INTS7: variants seen among roughly 807,000 people sequenced by gnomAD.
INTS7 encodes integrator complex subunit 7, also known as chromosome 1 open reading frame 73.
Under a neutral mutation model 109.2 loss-of-function variants are expected in INTS7, and 46 were observed. The observed-to-expected ratio is 0.42, with a 90% CI of 0.33 to 0.54. INTS7 has a LOEUF of 0.54. Among genes scored for constraint, INTS7 ranks in the 20% least tolerant of loss-of-function variants. The pLI is 0.07. For missense variants in INTS7, 929 were observed against 1,132.4 expected, an observed-to-expected ratio of 0.82 and a Z score of 2.58; for synonymous variants, 412 against 402.9, an observed-to-expected ratio of 1.02 and a Z score of -0.27.
At chr1:211,969,920 G>A (rs960983608) in intron 13 of INTS7, among the ~76,000 whole-genome samples, 15 of 151,722 alleles carry the variant, frequency 9.9e-5, no homozygotes, top group Non-Finnish European at 1.6e-4. Context: ...GGGTTTCACC[G>A]TGTTAACCAG....
Position 211,967,942 on chromosome 1 carries a change from G to T in INTS7, c.2050C>A (p.Arg684=), listed in dbSNP as rs147974722. Residue 684 remains arginine, a synonymous_variant, in exon 15 of 20, where the codon CGA becomes AGA. Coordinates refer to ENST00000366994, the MANE Select transcript of INTS7 (RefSeq NM_015434.4). Reference sequence around the variant, plus strand: ...GATGCCTGGTAAAGATCTCCATATCGAGAAGCAAGGCTTCGAAATTCTTCC... The same window carrying T: ...GATGCCTGGTAAAGATCTCCATATCTAGAAGCAAGGCTTCGAAATTCTTCC... ...SMEEFRSLAS[R]YGDLYQASFD... 2 of 1,606,920 alleles carry T rather than the reference G, an allele frequency of 1.2e-6. No homozygotes were observed. Among genetic ancestry groups the T allele is most frequent in the Non-Finnish European group, 1.7e-6 (2 of 1,176,682 alleles).
chr1:211,975,717 G>A lies in INTS7; in HGVS notation c.1609-345C>T, dbSNP rs576784403. On this transcript the variant is annotated intron_variant, in intron 12 of 19. Transcript: ENST00000366994. ...ATTCTAGATGAACTATTTAGTGGGT[G>A]AGAGAAACCCCAGGGGAGAAGGCAT... 1.1e-4 allele frequency among the ~76,000 whole-genome samples: 17 copies of A among 152,328 alleles called. No individual in the cohort carries two copies. In the South Asian group the frequency reaches 3.3e-3, roughly 30 times the overall value.
rs576694833 is a variant in INTS7, at chr1:211,959,204, G to C, written c.2184-6503C>G. 6.6e-6 allele frequency among the ~76,000 whole-genome samples: 1 copy of C among 152,150 alleles called. No individual in the cohort carries two copies. Among genetic ancestry groups the C allele is most frequent in the African/African-American group, 2.4e-5 (1 of 41,404 alleles). ...TGTGTGAGCATCTGTAGTGGAATAC[G>C]GCCAGGGGCAGCCATCCCTCTAGGC... is the stretch of plus-strand genomic sequence containing the variant. On this transcript the variant is annotated intron_variant, in intron 16 of 19. Coordinates refer to ENST00000366994, the MANE Select transcript of INTS7 (RefSeq NM_015434.4). The surrounding 1 kb of genome is among the most constrained non-coding windows in gnomAD (Gnocchi z 4.2).
At chr1:211,957,528 A>G (rs899766966) in intron 16 of INTS7, among the ~76,000 whole-genome samples, 1 of 152,218 alleles carries the variant, frequency 6.6e-6, no homozygotes, top group Non-Finnish European at 1.5e-5. Context: ...CCTGGGCGAC[A>G]GAGAGAGGAT....
In INTS7 at chr1:211,968,670, C is replaced by T; in HGVS notation, c.1853G>A (p.Cys618Tyr). 6.2e-7 allele frequency: 1 copy of T among 1,609,164 alleles called. No individual in the cohort carries two copies. The highest frequency in any genetic ancestry group is 1.4e-5 in the African/African-American group (1 of 73,682). ...GTCAATCCTGAGTTTTACAAATTCA[C>T]ACTGAAAGCTTAAAGGATTCAGTGG... ...STPLNPLSFQ[C>Y]EFVKLRIDLL... The change falls in exon 14 of 20, where the codon TGT becomes TAT. Residue 618 changes from cysteine (C) to tyrosine (Y), a missense_variant. Cys to Tyr is a radical substitution (Grantham distance 194, BLOSUM62 -2). This residue lies in a region of INTS7 where 787 missense variants were observed against 901.1 expected (regional missense o/e 0.87). Coordinates refer to ENST00000366994, the MANE Select transcript of INTS7 (RefSeq NM_015434.4).
chr1:212,009,623 G>A (rs1666079120), intron 5 of INTS7, among the ~76,000 whole-genome samples: 1 of 152,130 alleles, frequency 6.6e-6, no homozygotes, highest in Admixed American at 6.5e-5. Flanking sequence ...AGCTATTACG[G>A]GTTCAAGAAC....
At chr1:211,969,959 C>T (rs554252866) in intron 13 of INTS7, among the ~76,000 whole-genome samples, 218 of 152,084 alleles carry the variant, frequency 1.4e-3, no homozygotes, top group African/African-American at 4.9e-3. Flanking sequence ...ACCTCATGAT[C>T]GGCCTGCCTC....
intron 1 of INTS7, 115 bp downstream of exon 1, chr1:212,035,229 C>T (rs1667380401): frequency 4.1e-6 from 3 of 737,520 alleles, no homozygotes; most frequent in East Asian, 2.6e-5. Flanking sequence ...AGGCGCTCCC[C>T]GCCCAGCGAA....
Position 211,961,096 on chromosome 1 carries a change from C to T in INTS7, c.2183+5334G>A, listed in dbSNP as rs547060962. Reference sequence around the variant, plus strand: ...GAAATATGGGATTATGTAAAGAAACCGAATCTACAACTCACTGATGTCCTG... The same window carrying T: ...GAAATATGGGATTATGTAAAGAAACTGAATCTACAACTCACTGATGTCCTG... On this transcript the variant is annotated intron_variant, in intron 16 of 19. Coordinates refer to ENST00000366994, the MANE Select transcript of INTS7 (RefSeq NM_015434.4). Among the ~76,000 whole-genome samples, 33 of 150,392 alleles carry T rather than the reference C, an allele frequency of 2.2e-4. No homozygotes were observed. The East Asian group carries it at 6.3e-3, about 29-fold the overall frequency.
intron 8 of INTS7, among the ~76,000 whole-genome samples, chr1:211,986,723 CTTG>C (rs1664910777): frequency 6.6e-6 from 1 of 152,158 alleles, no homozygotes; most frequent in South Asian, 2.1e-4. Context: ...TCCCTACTTT[CTTG>C]TTGTTACTGG....
intron 6 of INTS7, among the ~76,000 whole-genome samples, chr1:212,006,990 CCTTT>C (rs1311796668): frequency 1.3e-5 from 2 of 151,908 alleles, no homozygotes; most frequent in Non-Finnish European, 2.9e-5. Flanking sequence ...GATACTCAAT[CCTTT>C]CTTTTTTTTT....
At chr1:211,958,689 T>C (rs993454239) in intron 16 of INTS7, among the ~76,000 whole-genome samples, 1 of 152,236 alleles carries the variant, frequency 6.6e-6, no homozygotes, top group African/African-American at 2.4e-5. Context: ...GCTTTGACTC[T>C]TCATTTTTTC....
intron 1 of INTS7, among the ~76,000 whole-genome samples, chr1:212,031,151 T>C (rs1412621987): frequency 2.6e-5 from 4 of 152,180 alleles, no homozygotes; most frequent in Non-Finnish European, 5.9e-5. Context: ...CTCTTCCCCA[T>C]TGCTTTCATC....
intron 7 of INTS7, among the ~76,000 whole-genome samples, chr1:211,995,701 C>T (rs942103927): frequency 2.0e-5 from 3 of 152,146 alleles, no homozygotes; most frequent in Non-Finnish European, 4.4e-5. Context: ...AAATCCTAAC[C>T]GCCAAGTTGA....
rs1662872689 is a variant in INTS7 at position 211,946,934 on chromosome 1, G to C, written c.2317-229C>G. ...AATAAAATATAAGTGACAGAAATGAGAAAATCCACAGTCCTCGAGGCCAAG... is the reference window on the plus strand; with the variant it reads ...AATAAAATATAAGTGACAGAAATGACAAAATCCACAGTCCTCGAGGCCAAG... On this transcript the variant is annotated intron_variant, in intron 17 of 19. Coordinates refer to ENST00000366994, the MANE Select transcript of INTS7 (RefSeq NM_015434.4). This position sits in a 1 kb window ranked among gnomAD's most constrained non-coding sequence, Gnocchi z 4.3. Among the ~76,000 whole-genome samples the C allele has an allele frequency of 6.6e-6, 1 of 151,840 alleles. No individual in the cohort carries two copies. The highest frequency in any genetic ancestry group is 2.4e-5 in the African/African-American group (1 of 41,244).
chr1:212,014,594 G>C (rs572500922), intron 4 of INTS7, among the ~76,000 whole-genome samples: 1 of 119,974 alleles, frequency 8.3e-6, no homozygotes, highest in African/African-American at 3.2e-5. Context: ...CTCTGATGCC[G>C]AGCGGAGGCT....
chr1:212,029,273 C>T (rs931536700), intron 1 of INTS7, among the ~76,000 whole-genome samples: 1 of 152,210 alleles, frequency 6.6e-6, no homozygotes, highest in Non-Finnish European at 1.5e-5. Context: ...CTAGGAACAC[C>T]TAATACCACA....
At chr1:211,957,317 G>A (rs888324559) in intron 16 of INTS7, among the ~76,000 whole-genome samples, 2 of 152,086 alleles carry the variant, frequency 1.3e-5, no homozygotes, top group Non-Finnish European at 2.9e-5. Flanking sequence ...AGGCTGAGGC[G>A]GGTGGATCAC....
At position 212,007,437 on chromosome 1, in the gene INTS7, G is replaced by T; in HGVS notation, c.569C>A (p.Pro190Gln). The T allele has an allele frequency of 6.2e-7, 1 of 1,612,108 alleles. No homozygotes were observed. The highest frequency in any genetic ancestry group is 8.5e-7 in the Non-Finnish European group (1 of 1,178,258). Residue 190 changes from proline (P) to glutamine (Q), a missense_variant, in exon 6 of 20, where the codon CCA (proline) becomes CAA (glutamine). This residue lies in a region of INTS7 where 142 missense variants were observed against 231.4 expected (regional missense o/e 0.61). Transcript: ENST00000366994. The part of the protein sequence containing the change: ...ISEMIQGLAT[P>Q]VDLKLKLIPI... ...TATCAATTTTAGCTTCAAGTCTACT[G>T]GTGTCGCTAAACCTAGACACAAAAA... is the stretch of plus-strand genomic sequence containing the variant.
Sources: gnomAD v4.1 joint callset for allele counts (sites outside exome capture counted in the v4.1 genomes callset) on GRCh38, gnomAD v4.1.1 for gene constraint, gnomAD v4.1.1 regional missense constraint, Gnocchi (gnomAD v3.1) non-coding constraint, MANE v1.5 for transcripts, NCBI Gene and HGNC (gene_info 2026-07-23, HGNC 2026-07-21) for gene names.